PLPPR4: variants seen among roughly 807,000 people sequenced by gnomAD.
PLPPR4 encodes the protein phospholipid phosphatase-related protein type 4.
PLPPR4 carries 24 observed loss-of-function variants against 56.6 expected under a neutral mutation model. The observed-to-expected ratio is 0.42, with a 90% CI of 0.31 to 0.60. The LOEUF (loss-of-function observed/expected upper bound fraction) is 0.60, where lower values mean the gene tolerates loss of function less well. PLPPR4 is among the 20% of genes least tolerant of loss of function. The pLI is 0.13. For synonymous variants in PLPPR4, 326 were observed against 328.1 expected (o/e 0.99, Z 0.07); for missense variants, 654 against 885.8 (o/e 0.74, Z 3.32).
intron 1 of PLPPR4, among the ~76,000 whole-genome samples, chr1:99,265,416 C>G (rs981885723): frequency 6.6e-6 from 1 of 152,150 alleles, no homozygotes; most frequent in African/African-American, 2.4e-5. Flanking sequence ...TAATGACCCT[C>G]TAACTTACCA....
At chr1:99,300,353 T>C (rs908050948) in intron 4 of PLPPR4, among the ~76,000 whole-genome samples, 1 of 152,078 alleles carries the variant, frequency 6.6e-6, no homozygotes, top group African/African-American at 2.4e-5. Context: ...GAGATGAAAT[T>C]ATTGTAAAGT....
intron 6 of PLPPR4, among the ~76,000 whole-genome samples, chr1:99,303,539 G>A (rs1659939777): frequency 6.6e-6 from 1 of 152,104 alleles, no homozygotes; most frequent in Middle Eastern, 3.2e-3. Flanking sequence ...CAAGTGACAT[G>A]CGGAGGAAAA....
rs2100778708 is a variant in PLPPR4 at position 99,264,638 on chromosome 1, C to T, written c.45C>T (p.Ser15=). Residue 15 remains serine (S), a synonymous_variant, in exon 1 of 7, where the codon AGC becomes AGT. Coordinates refer to ENST00000370185, the MANE Select transcript of PLPPR4 (RefSeq NM_014839.5). The part of the protein sequence containing the change: ...ERPKGKVIKD[S]VTLLPCFYFV... ...CAAAGGGCAAAGTGATCAAGGACAG[C>T]GTCACCCTCCTGCCCTGCTTTTATT... 1 of 1,550,670 alleles carries T rather than the reference C, an allele frequency of 6.4e-7. No individual in the cohort carries two copies. The highest frequency in any genetic ancestry group is 1.4e-5 in the African/African-American group (1 of 73,184).
At chr1:99,268,343 A>G (rs1038554606) in intron 1 of PLPPR4, among the ~76,000 whole-genome samples, 1 of 152,218 alleles carries the variant, frequency 6.6e-6, no homozygotes, top group South Asian at 2.1e-4. Context: ...GTGCCCCTCA[A>G]CAAGAACTCT....
Position 99,306,346 on chromosome 1 carries a change from A to G in PLPPR4, c.1484A>G (p.Asn495Ser). ...LVHIPEETQE[N>S]ISTSPKSSSA... is the part of the protein sequence containing the mutation. The stretch of plus-strand genomic sequence containing the variant: ...CACATCCCTGAGGAGACTCAGGAAA[A>G]CATAAGCACCTCCCCCAAAAGCAGC... The change falls in exon 7 of 7, where the codon AAC (asparagine) becomes AGC (serine). Residue 495 changes from asparagine (N) to serine (S), a missense_variant. Around this residue, in one of 2 missense-constraint regions of PLPPR4, gnomAD observed 468 missense variants for 554.3 expected, o/e 0.84. Coordinates refer to ENST00000370185, the MANE Select transcript of PLPPR4 (RefSeq NM_014839.5). This position sits in a 1 kb window ranked among gnomAD's most constrained non-coding sequence, Gnocchi z 4.0. The G allele has an allele frequency of 6.2e-7, 1 of 1,614,142 alleles. No individual in the cohort carries two copies. The highest frequency in any genetic ancestry group is 8.5e-7 in the Non-Finnish European group (1 of 1,180,018).
At chr1:99,296,070 AAG>A (rs1659733112) in intron 2 of PLPPR4, among the ~76,000 whole-genome samples, 1 of 152,178 alleles carries the variant, frequency 6.6e-6, no homozygotes, top group South Asian at 2.1e-4. Context: ...TCCTTATCTT[AAG>A]AGAGTCCTCT....
chr1:99,287,748 A>G (rs1659504003), intron 1 of PLPPR4, among the ~76,000 whole-genome samples: 1 of 152,078 alleles, frequency 6.6e-6, no homozygotes, highest in Non-Finnish European at 1.5e-5. Flanking sequence ...TGTAGCACCA[A>G]TTAGAAGGTT....
intron 1 of PLPPR4, among the ~76,000 whole-genome samples, chr1:99,287,651 AC>A (rs1263316627): frequency 6.6e-6 from 1 of 151,980 alleles, no homozygotes; most frequent in African/African-American, 2.4e-5. Flanking sequence ...TGTGATGTTG[AC>A]CTGTCTGATC....
chr1:99,294,118 T>C (rs1659685893), intron 2 of PLPPR4, among the ~76,000 whole-genome samples: 1 of 147,298 alleles, frequency 6.8e-6, no homozygotes, highest in African/African-American at 2.5e-5. Context: ...AAAGGAGAAA[T>C]AAGCTGGGCA....
At chr1:99,273,616 C>T (rs962559800) in intron 1 of PLPPR4, among the ~76,000 whole-genome samples, 15 of 151,996 alleles carry the variant, frequency 9.9e-5, no homozygotes, top group Non-Finnish European at 2.1e-4. Flanking sequence ...AAATGAAATT[C>T]CAGGGTATAA....
chr1:99,296,741 A>G lies in PLPPR4; in HGVS notation c.268A>G (p.Met90Val). The change falls in exon 3 of 7, where the codon ATG (methionine) becomes GTG (valine). Residue 90 changes from methionine (M) to valine (V), a missense_variant. Coordinates refer to ENST00000370185, the MANE Select transcript of PLPPR4 (RefSeq NM_014839.5). ...GAATACCCTTCTATCTTTGCAGATT[A>G]TGGTAGGAGAAGGAATTCTCTACTG... is the stretch of plus-strand genomic sequence containing the variant. The part of the protein sequence containing the change: ...LAFAGPAITI[M>V]VGEGILYCCL... 2 of 1,598,410 alleles carry G rather than the reference A, an allele frequency of 1.3e-6. No homozygotes were observed. Among genetic ancestry groups the G allele is most frequent in the East Asian group, 4.5e-5 (2 of 44,658 alleles).
upstream of PLPPR4, chr1:99,264,152 G>T: frequency 4.5e-6 from 2 of 444,502 alleles, no homozygotes; most frequent in South Asian, 8.1e-5. Context: ...CCCAGGAGGA[G>T]ACTAGGTGGC....
chr1:99,299,061 A>G lies in PLPPR4; in HGVS notation c.421A>G (p.Thr141Ala), dbSNP rs751654804. 1.2e-6 allele frequency: 2 copies of G among 1,613,536 alleles called. No homozygotes were observed. Among genetic ancestry groups the G allele is most frequent in the Non-Finnish European group, 1.7e-6 (2 of 1,179,690 alleles). Residue 141 changes from threonine (T) to alanine (A), a missense_variant, in exon 4 of 7, where the codon ACA becomes GCA. Around this residue, in one of 2 missense-constraint regions of PLPPR4, gnomAD observed 186 missense variants for 331.4 expected, o/e 0.56. Coordinates refer to ENST00000370185, the MANE Select transcript of PLPPR4 (RefSeq NM_014839.5). ...VGVHVFGLCSTALITDIIQLS... is the reference protein window; with the variant it reads ...VGVHVFGLCSAALITDIIQLS... The stretch of plus-strand genomic sequence containing the variant: ...TGTTCATGTATTTGGATTATGCTCT[A>G]CAGCTCTCATTACAGATATCATACA...
chr1:99,269,535 T>C (rs1658997844), intron 1 of PLPPR4, among the ~76,000 whole-genome samples: 1 of 152,270 alleles, frequency 6.6e-6, no homozygotes, highest in Non-Finnish European at 1.5e-5. Flanking sequence ...CTCACAATTT[T>C]ATTCTCATTA....
chr1:99,300,369 A>G (rs546015671), intron 4 of PLPPR4, among the ~76,000 whole-genome samples: 8 of 152,166 alleles, frequency 5.3e-5, no homozygotes, highest in Admixed American at 3.9e-4. Flanking sequence ...AAAGTGTACT[A>G]CATTTTGTTA....
intron 1 of PLPPR4, among the ~76,000 whole-genome samples, chr1:99,286,880 C>T (rs996345492): frequency 3.3e-5 from 5 of 152,104 alleles, no homozygotes; most frequent in African/African-American, 7.2e-5. Flanking sequence ...TAGACTGATG[C>T]GATCTGAAAT....
chr1:99,275,014 CT>C (rs898083648), intron 1 of PLPPR4, among the ~76,000 whole-genome samples: 3 of 150,986 alleles, frequency 2.0e-5, no homozygotes, highest in East Asian at 1.9e-4. Context: ...TCATTGGAAT[CT>C]TTTTTTTTAA....
chr1:99,289,950 C>T (rs1659573002), intron 2 of PLPPR4, among the ~76,000 whole-genome samples: 1 of 151,978 alleles, frequency 6.6e-6, no homozygotes, highest in Admixed American at 6.6e-5. Flanking sequence ...AGCAATCAGA[C>T]AAGAAAAAGA....
rs186405287 is a variant in PLPPR4 at position 99,287,833 on chromosome 1, A to G, written c.79-132A>G. On this transcript the variant is annotated intron_variant, in intron 1 of 6. Coordinates refer to ENST00000370185, the MANE Select transcript of PLPPR4 (RefSeq NM_014839.5). ...AATCCATGTTGAAGGTAGAAGTAAT[A>G]GAACTTATGAATGATTTTTAACTCT... is the stretch of plus-strand genomic sequence containing the variant. 4.9e-5 allele frequency: 33 copies of G among 675,702 alleles called. 2 individuals carry two copies. Among genetic ancestry groups the G allele is most frequent in the South Asian group, 4.8e-4 (24 of 49,820 alleles). The allele number at this position is 675,702 out of a possible 1,614,324, so 41.9% of individuals were successfully genotyped here.
Sources: gnomAD v4.1 joint callset for allele counts (sites outside exome capture counted in the v4.1 genomes callset) on GRCh38, gnomAD v4.1.1 for gene constraint, gnomAD v4.1.1 regional missense constraint, Gnocchi (gnomAD v3.1) non-coding constraint, MANE v1.5 for transcripts, NCBI Gene and HGNC (gene_info 2026-07-23, HGNC 2026-07-21) for gene names.